The following KIAA0319L variants were observed in gnomAD, a reference collection of about 807,000 sequenced individuals.
KIAA0319L encodes the protein dyslexia-associated protein KIAA0319-like protein.
KIAA0319L carries 55 observed loss-of-function variants against 120.1 expected under a neutral mutation model. That is an observed-to-expected ratio of 0.46 (90% CI 0.37 to 0.57). The LOEUF (loss-of-function observed/expected upper bound fraction) is 0.57, where lower values mean the gene tolerates loss of function less well. KIAA0319L is among the 20% of genes least tolerant of loss of function. The probability of loss-of-function intolerance (pLI) is 0.00; values close to 1 mark genes in which losing one functional copy is unlikely to be tolerated. For synonymous variants in KIAA0319L, 398 were observed against 471.9 expected, an observed-to-expected ratio of 0.84 and a Z score of 2.03; for missense variants, 1,049 against 1,255.3, an observed-to-expected ratio of 0.84 and a Z score of 2.48.
At chr1:35,467,649 A>C (rs1448953817) in intron 6 of KIAA0319L, among the ~76,000 whole-genome samples, 1 of 151,890 alleles carries the variant, frequency 6.6e-6, no homozygotes, top group Admixed American at 6.6e-5. Context: ...TCTTCCATTC[A>C]TTTAGCATGA....
intron 9 of KIAA0319L, among the ~76,000 whole-genome samples, chr1:35,458,031 G>A (rs1642611554): frequency 6.6e-6 from 1 of 152,130 alleles, no homozygotes; most frequent in Non-Finnish European, 1.5e-5. Flanking sequence ...CGCCTACTGG[G>A]TTCACGCCAT....
In KIAA0319L at chr1:35,489,223, C is replaced by CA. The variant is rs200338514; in HGVS notation, c.667-10012dup. Among the ~76,000 whole-genome samples the CA allele has an allele frequency of 2.6e-3, 394 of 149,710 alleles. 2 individuals carry two copies. Among genetic ancestry groups the CA allele is most frequent in the African/African-American group, 8.1e-3 (329 of 40,820 alleles). On this transcript the variant is annotated intron_variant, in intron 3 of 20. Coordinates refer to ENST00000325722, the MANE Select transcript of KIAA0319L (RefSeq NM_024874.5). ...ACAAGGTAAAAAAACAAAACAAAAA[C>CA]AAAAAAAAACATGGTGGACTTTCTG...
intron 4 of KIAA0319L, among the ~76,000 whole-genome samples, 155 bp downstream of exon 4, chr1:35,478,811 C>T (rs1011115724): frequency 3.9e-5 from 6 of 152,190 alleles, no homozygotes; most frequent in Non-Finnish European, 8.8e-5. Flanking sequence ...GGCTCTAGAG[C>T]CCCCAGTCCA....
At chr1:35,541,538 C>T (rs138855612) in intron 2 of KIAA0319L, among the ~76,000 whole-genome samples, 228 of 151,884 alleles carry the variant, frequency 1.5e-3, no homozygotes, top group Non-Finnish European at 2.9e-3. Context: ...TTAGTAGAGA[C>T]GGGGTTTCAC....
intron 6 of KIAA0319L, 134 bp downstream of exon 6, chr1:35,470,727 CAG>C: frequency 1.6e-6 from 1 of 634,030 alleles, no homozygotes; most frequent in Middle Eastern, 3.4e-4. Flanking sequence ...GGATGTCAGC[CAG>C]TCAGATTTTT....
At chr1:35,515,606 G>A (rs2148427636) in intron 2 of KIAA0319L, among the ~76,000 whole-genome samples, 1 of 152,218 alleles carries the variant, frequency 6.6e-6, no homozygotes, top group African/African-American at 2.4e-5. Context: ...ACATCAAAAG[G>A]TTAGAAAGAT....
chr1:35,504,651 A>G (rs1330659296), intron 3 of KIAA0319L, among the ~76,000 whole-genome samples: 1 of 152,260 alleles, frequency 6.6e-6, no homozygotes, highest in Non-Finnish European at 1.5e-5. Context: ...AGTTTATGCA[A>G]ATTTCCAACT....
intron 2 of KIAA0319L, among the ~76,000 whole-genome samples, chr1:35,546,535 AG>A (rs2148505166): frequency 6.6e-6 from 1 of 152,362 alleles, no homozygotes; most frequent in South Asian, 2.1e-4. Context: ...CTGACTGCAA[AG>A]ATCAAGTCAG....
At chr1:35,511,661 C>T (rs1279055547) in intron 2 of KIAA0319L, among the ~76,000 whole-genome samples, 1 of 152,056 alleles carries the variant, frequency 6.6e-6, no homozygotes, top group Non-Finnish European at 1.5e-5. Flanking sequence ...TTTCTTCTGA[C>T]CATCAAAGAG....
intron 2 of KIAA0319L, among the ~76,000 whole-genome samples, chr1:35,527,512 C>G (rs1393813350): frequency 6.6e-6 from 1 of 152,186 alleles, no homozygotes; most frequent in Non-Finnish European, 1.5e-5. Context: ...TAGAATTTGA[C>G]AGTAAAGCCA....
chr1:35,442,396 G>A (rs1641291680), intron 18 of KIAA0319L, 60 bp from the exon 19 acceptor site: 1 of 1,290,260 alleles, frequency 7.8e-7, no homozygotes, highest in Non-Finnish European at 1.1e-6. Flanking sequence ...GGAGGTCTGG[G>A]CTGCTCCCAG....
intron 9 of KIAA0319L, among the ~76,000 whole-genome samples, chr1:35,459,898 CAT>C (rs570226690): frequency 7.2e-4 from 109 of 152,152 alleles, no homozygotes; most frequent in African/African-American, 2.6e-3. Context: ...ACTAGTCAAA[CAT>C]AAAGATTATG....
chr1:35,454,514 G>A (rs1642299108), intron 10 of KIAA0319L, 29 bp from the exon 11 acceptor site: 14 of 1,609,896 alleles, frequency 8.7e-6, no homozygotes, highest in African/African-American at 2.7e-5. Context: ...AAGTGGAAAA[G>A]TGGACTCCAG....
At chr1:35,541,702 C>G (rs1054603770) in intron 2 of KIAA0319L, among the ~76,000 whole-genome samples, 1 of 152,148 alleles carries the variant, frequency 6.6e-6, no homozygotes, top group Admixed American at 6.5e-5. Flanking sequence ...CAGCCCCAGT[C>G]AAAACACTGT....
At chr1:35,477,052 G>C (rs1444201104) in intron 4 of KIAA0319L, among the ~76,000 whole-genome samples, 2 of 151,986 alleles carry the variant, frequency 1.3e-5, no homozygotes, top group African/African-American at 4.8e-5. Flanking sequence ...TACCCCACAA[G>C]GACAGGCAAC....
intron 19 of KIAA0319L, 50 bp from the exon 20 acceptor site, chr1:35,441,188 G>T (rs546869893): frequency 1.3e-6 from 2 of 1,539,234 alleles, no homozygotes; most frequent in Admixed American, 3.4e-5. Flanking sequence ...TCTCTGGGAG[G>T]ATGAGGATGA....
At chr1:35,513,841 T>C (rs1217350591) in intron 2 of KIAA0319L, among the ~76,000 whole-genome samples, 1 of 152,228 alleles carries the variant, frequency 6.6e-6, no homozygotes, top group South Asian at 2.1e-4. Context: ...GTGAGAGTGA[T>C]GTCTTTAACA....
intron 2 of KIAA0319L, among the ~76,000 whole-genome samples, chr1:35,553,084 TA>T (rs879375828): frequency 2.6e-3 from 371 of 140,696 alleles, no homozygotes; most frequent in Middle Eastern, 7.6e-3. Flanking sequence ...GACACTGTCT[TA>T]AAAAAAAAAA....
intron 2 of KIAA0319L, among the ~76,000 whole-genome samples, chr1:35,545,918 G>T (rs1262574846): frequency 2.6e-5 from 4 of 151,960 alleles, no homozygotes; most frequent in African/African-American, 9.7e-5. Flanking sequence ...AATGACTCAG[G>T]GATTTCAACC....
Sources: gnomAD v4.1 joint callset for allele counts (sites outside exome capture counted in the v4.1 genomes callset) on GRCh38, gnomAD v4.1.1 for gene constraint, MANE v1.5 for transcripts, NCBI Gene and HGNC (gene_info 2026-07-23, HGNC 2026-07-21) for gene names.